CBFA2T3: variants seen among roughly 807,000 people sequenced by gnomAD.
CBFA2T3 encodes CBFA2/RUNX1 partner transcriptional co-repressor 3.
Under a neutral mutation model 58.6 loss-of-function variants are expected in CBFA2T3, and 31 were observed. The ratio of observed to expected loss-of-function variants is 0.53; its 90% CI spans 0.40 to 0.71. The LOEUF (loss-of-function observed/expected upper bound fraction) is 0.71, where lower values mean the gene tolerates loss of function less well. Ranked by LOEUF, CBFA2T3 falls within the 30% of genes least tolerant of loss-of-function variation. The pLI is 0.00. For missense variants in CBFA2T3, 1,076 were observed against 963.1 expected (o/e 1.12, Z -1.55); for synonymous variants, 531 against 421.9 (o/e 1.26, Z -3.17).
chr16:88,948,707 CATAT>C (rs1183711540), intron 1 of CBFA2T3, among the ~76,000 whole-genome samples: 2 of 152,214 alleles, frequency 1.3e-5, no homozygotes, highest in Non-Finnish European at 2.9e-5. Context: ...CTTCACTCTC[CATAT>C]CCAATAGAAA....
In CBFA2T3 at chr16:88,957,104, C is replaced by T. The variant is rs552393740; in HGVS notation, c.151+19553G>A. Among the ~76,000 whole-genome samples, 5 of 152,360 alleles carry T rather than the reference C, an allele frequency of 3.3e-5. 1 individual carries two copies. Among genetic ancestry groups the T allele is most frequent in the Middle Eastern group, 6.8e-3 (2 of 294 alleles). On this transcript the variant is annotated intron_variant, in intron 1 of 11. Transcript: ENST00000268679. ...CCGGAACAAAACCGCCCTTGGGCTT[C>T]AGGCCCCAGAGGTTATGCCCACGGG...
At chr16:88,877,926 C>T (rs1437546057) in intron 11 of CBFA2T3, among the ~76,000 whole-genome samples, 1 of 152,200 alleles carries the variant, frequency 6.6e-6, no homozygotes, top group Non-Finnish European at 1.5e-5. Flanking sequence ...CCAAACCTGC[C>T]CTAGGGGAGA....
intron 1 of CBFA2T3, among the ~76,000 whole-genome samples, chr16:88,974,509 C>T (rs939827205): frequency 1.6e-4 from 24 of 152,148 alleles, no homozygotes; most frequent in African/African-American, 5.1e-4. Flanking sequence ...ACCCCCTGCA[C>T]AGCACACAGA....
intron 11 of CBFA2T3, 35 bp downstream of exon 11, chr16:88,879,235 A>G: frequency 6.5e-7 from 1 of 1,549,938 alleles, no homozygotes. Context: ...GAGCCGAGGC[A>G]GGGGATGGGT....
At chr16:88,906,758 G>A (rs1271899833) in intron 1 of CBFA2T3, among the ~76,000 whole-genome samples, 1 of 152,180 alleles carries the variant, frequency 6.6e-6, no homozygotes. Flanking sequence ...GCCCAGAGAG[G>A]GTGAGTGACT....
In CBFA2T3 at chr16:88,885,030, C is replaced by G. The variant is rs556767136; in HGVS notation, c.1117+16G>C. 5.1e-6 allele frequency: 8 copies of G among 1,579,816 alleles called. No individual in the cohort carries two copies. In the South Asian group the frequency reaches 9.0e-5, roughly 18 times the overall value. ...TGTAACACGCGTCCACGCTCCCGCC[C>G]CACCGGGCTGCTCACCAAGCGGCCG... On this transcript the variant is annotated intron_variant, in intron 7 of 11. Coordinates refer to ENST00000268679, the MANE Select transcript of CBFA2T3 (RefSeq NM_005187.6). The surrounding 1 kb of genome is among the most constrained non-coding windows in gnomAD (Gnocchi z 5.3).
rs895559512 is a variant in CBFA2T3, at chr16:88,958,976, T to C, written c.151+17681A>G. 4.6e-5 allele frequency among the ~76,000 whole-genome samples: 7 copies of C among 152,118 alleles called. No homozygotes were observed. The highest frequency in any genetic ancestry group is 8.8e-5 in the Non-Finnish European group (6 of 68,000). On this transcript the variant is annotated intron_variant, in intron 1 of 11. Coordinates refer to ENST00000268679, the MANE Select transcript of CBFA2T3 (RefSeq NM_005187.6). The surrounding 1 kb of genome is among the most constrained non-coding windows in gnomAD (Gnocchi z 4.0). Reference sequence around the variant, plus strand: ...TCTCTGCCCCGACCCCTGGCAACCCTGTCAGCTGCTCATTCACCTAATAGA... The same window carrying C: ...TCTCTGCCCCGACCCCTGGCAACCCCGTCAGCTGCTCATTCACCTAATAGA...
At chr16:88,883,054 G>A (rs1449765468) in intron 7 of CBFA2T3, among the ~76,000 whole-genome samples, 2 of 152,236 alleles carry the variant, frequency 1.3e-5, no homozygotes, top group African/African-American at 2.4e-5. Flanking sequence ...TGGTTAAGAG[G>A]ATGTGTTTGC....
chr16:88,945,603 C>T (rs1202409378), intron 1 of CBFA2T3, among the ~76,000 whole-genome samples: 1 of 152,186 alleles, frequency 6.6e-6, no homozygotes, highest in African/African-American at 2.4e-5. Flanking sequence ...GAGAGTGGGT[C>T]AGCACAGCCA....
chr16:88,888,322 C>T (rs1969464568), intron 5 of CBFA2T3, among the ~76,000 whole-genome samples: 1 of 148,166 alleles, frequency 6.7e-6, no homozygotes, highest in East Asian at 2.1e-4. Flanking sequence ...GCTACCCCTC[C>T]CCCAGCCCAG....
chr16:88,973,551 A>G (rs991496148), intron 1 of CBFA2T3, among the ~76,000 whole-genome samples: 1 of 152,174 alleles, frequency 6.6e-6, no homozygotes, highest in African/African-American at 2.4e-5. Flanking sequence ...GACCCAGAAC[A>G]TTCCAGACCC....
At chr16:88,907,879 C>T (rs1970392234) in intron 1 of CBFA2T3, among the ~76,000 whole-genome samples, 2 of 152,274 alleles carry the variant, frequency 1.3e-5, no homozygotes, top group Admixed American at 1.3e-4. Context: ...CTGGGCATGC[C>T]TGAGTCTGCC....
chr16:88,932,571 T>C (rs1408759357), intron 1 of CBFA2T3, among the ~76,000 whole-genome samples: 1 of 151,594 alleles, frequency 6.6e-6, no homozygotes, highest in Non-Finnish European at 1.5e-5. Context: ...CGCTTGAGCC[T>C]AGGAGGTTAA....
At chr16:88,914,797 T>C (rs991624377) in intron 1 of CBFA2T3, among the ~76,000 whole-genome samples, 4 of 152,188 alleles carry the variant, frequency 2.6e-5, no homozygotes, top group African/African-American at 7.2e-5. Flanking sequence ...GTGAAAAATC[T>C]TCCCTGCTCC....
intron 2 of CBFA2T3, among the ~76,000 whole-genome samples, chr16:88,900,358 C>T (rs998844438): frequency 1.3e-5 from 2 of 152,270 alleles, no homozygotes; most frequent in Non-Finnish European, 2.9e-5. Flanking sequence ...CCTGACCGCA[C>T]AGCCAGTGCT....
At chr16:88,927,259 C>T (rs1971112750) in intron 1 of CBFA2T3, among the ~76,000 whole-genome samples, 1 of 152,200 alleles carries the variant, frequency 6.6e-6, no homozygotes, top group Admixed American at 6.5e-5. Context: ...GTCGACGTGA[C>T]AAGCCGGGTC....
Position 88,877,282 on chromosome 16 carries a change from G to C in CBFA2T3, c.1663-7C>G, listed in dbSNP as rs536347731. On this transcript the variant is annotated splice_polypyrimidine_tract_variant and splice_region_variant and intron_variant, in intron 11 of 11. Transcript: ENST00000268679. ...GCCCGCAGTTCCAGCAGCTCTGGGT[G>C]GGGGCAGAGGGGCCAGTCAGGGCTG... is the stretch of plus-strand genomic sequence containing the variant. 5.2e-6 allele frequency: 8 copies of C among 1,538,578 alleles called. No homozygotes were observed. The South Asian group carries it at 6.0e-5, about 12-fold the overall frequency.
At chr16:88,972,404 C>T (rs1972677979) in intron 1 of CBFA2T3, among the ~76,000 whole-genome samples, 2 of 152,176 alleles carry the variant, frequency 1.3e-5, no homozygotes, top group African/African-American at 4.8e-5. Flanking sequence ...GGATGCCCCT[C>T]TCTCTATTAC....
chr16:88,910,859 T>C (rs1001791873), intron 1 of CBFA2T3, among the ~76,000 whole-genome samples: 2 of 151,666 alleles, frequency 1.3e-5, no homozygotes, highest in African/African-American at 2.4e-5. Context: ...CGTATCCAGA[T>C]GACCAGGAGG....
Sources: gnomAD v4.1 joint callset for allele counts (sites outside exome capture counted in the v4.1 genomes callset) on GRCh38, gnomAD v4.1.1 for gene constraint, Gnocchi (gnomAD v3.1) non-coding constraint, MANE v1.5 for transcripts, NCBI Gene and HGNC (gene_info 2026-07-23, HGNC 2026-07-21) for gene names.